The following HIF3A variants were observed in gnomAD, a reference collection of about 807,000 sequenced individuals.
The protein encoded by HIF3A is hypoxia inducible factor 3 subunit alpha.
A neutral mutation model predicts 67.2 loss-of-function variants in HIF3A; 41 were observed. The observed-to-expected ratio is 0.61, with a 90% CI of 0.48 to 0.79. The LOEUF (loss-of-function observed/expected upper bound fraction) is 0.79. HIF3A is among the 30% of genes least tolerant of loss of function. The pLI, the probability that HIF3A is intolerant of heterozygous loss-of-function variation, is 0.00. For synonymous variants in HIF3A, 356 were observed against 374.8 expected, an observed-to-expected ratio of 0.95 and a Z score of 0.58; for missense variants, 855 against 898.0, an observed-to-expected ratio of 0.95 and a Z score of 0.61.
chr19:46,329,495 G>T lies in HIF3A; in HGVS notation c.1712+17G>T, dbSNP rs371128866. 1 of 1,494,772 alleles carries T rather than the reference G, an allele frequency of 6.7e-7. No individual in the cohort carries two copies. Among genetic ancestry groups the T allele is most frequent in the Non-Finnish European group, 8.9e-7 (1 of 1,122,264 alleles). The allele number at this position is 1,494,772 out of a possible 1,614,324, so 92.6% of individuals were successfully genotyped here. ...TCGGAAGAGGTGAGCCACAGTAAAG[G>T]GGGGACATCAAGGCAGCATCCCCTC... is the stretch of plus-strand genomic sequence containing the variant. On this transcript the variant is annotated intron_variant, in intron 12 of 14. Transcript: ENST00000377670.
chr19:46,319,966 A>G (rs1970229877), intron 8 of HIF3A, among the ~76,000 whole-genome samples: 1 of 152,184 alleles, frequency 6.6e-6, no homozygotes, highest in Non-Finnish European at 1.5e-5. Flanking sequence ...ACAGTGGCTC[A>G]CGCCTGTAAT....
intron 2 of HIF3A, among the ~76,000 whole-genome samples, chr19:46,304,342 G>A (rs1057080249): frequency 1.1e-4 from 16 of 151,360 alleles, no homozygotes; most frequent in Non-Finnish European, 1.8e-4. Context: ...CCCCTGGAAC[G>A]CGCCCTTTGG....
At chr19:46,298,619 A>T (rs1043584642) in intron 1 of HIF3A, 21 of 890,256 alleles carry the variant, frequency 2.4e-5, no homozygotes, top group Non-Finnish European at 6.0e-6. Context: ...CCTGGTGGGT[A>T]CGGCTTGCAG....
At chr19:46,300,039 T>G (rs1305730501) in intron 1 of HIF3A, among the ~76,000 whole-genome samples, 1 of 152,208 alleles carries the variant, frequency 6.6e-6, no homozygotes, top group Non-Finnish European at 1.5e-5. Flanking sequence ...TGGAGGGCGC[T>G]GGGTTACTTG....
intron 8 of HIF3A, among the ~76,000 whole-genome samples, chr19:46,313,921 CAA>C (rs1415956706): frequency 1.3e-5 from 2 of 152,160 alleles, no homozygotes; most frequent in Non-Finnish European, 2.9e-5. Context: ...CTCAGCCTCC[CAA>C]AGTGTTGGGA....
At chr19:46,318,765 C>T (rs889008263) in intron 8 of HIF3A, among the ~76,000 whole-genome samples, 4 of 151,678 alleles carry the variant, frequency 2.6e-5, no homozygotes, top group South Asian at 4.2e-4. Context: ...GGACTACAGG[C>T]GCATGCCACC....
At chr19:46,319,306 G>T (rs1970178758) in intron 8 of HIF3A, among the ~76,000 whole-genome samples, 1 of 152,134 alleles carries the variant, frequency 6.6e-6, no homozygotes, top group Non-Finnish European at 1.5e-5. Flanking sequence ...GGTTTATTGA[G>T]TGTGGGGAGA....
intron 13 of HIF3A, among the ~76,000 whole-genome samples, chr19:46,332,755 G>A (rs557470726): frequency 1.4e-4 from 22 of 152,190 alleles, no homozygotes; most frequent in Admixed American, 1.2e-3. Context: ...AGGATGAGGC[G>A]GGATAATCAC....
intron 2 of HIF3A, chr19:46,304,317 A>G (rs566852402): frequency 5.3e-6 from 3 of 568,290 alleles, no homozygotes; most frequent in South Asian, 2.0e-5. Flanking sequence ...GAAGTCTATC[A>G]CTTGTGAGGC....
chr19:46,328,083 G>A (rs1970922812), intron 11 of HIF3A, among the ~76,000 whole-genome samples: 1 of 152,202 alleles, frequency 6.6e-6, no homozygotes, highest in Non-Finnish European at 1.5e-5. Context: ...TACCTTCCCT[G>A]GATCCGGCTG....
rs550576562 is a variant in HIF3A, at chr19:46,338,926, C to A, written c.1913-599C>A. Among the ~76,000 whole-genome samples, 7 of 152,100 alleles carry A rather than the reference C, an allele frequency of 4.6e-5. No individual in the cohort carries two copies. In the South Asian group the frequency reaches 1.0e-3, roughly 23 times the overall value. On this transcript the variant is annotated intron_variant, in intron 14 of 14. Coordinates refer to ENST00000377670, the MANE Select transcript of HIF3A (RefSeq NM_152795.4). ...GCCTCACCACCCAGGCTTTTAACTG[C>A]CAGGAAGGGGAGACGGGTTGGTGTG...
chr19:46,324,929 C>T (rs1426644539), intron 10 of HIF3A, among the ~76,000 whole-genome samples: 1 of 140,446 alleles, frequency 7.1e-6, no homozygotes, highest in Non-Finnish European at 1.5e-5. Flanking sequence ...TATATATATA[C>T]ACATATATAT....
At chr19:46,339,033 T>C (rs1362049402) in intron 14 of HIF3A, among the ~76,000 whole-genome samples, 1 of 152,120 alleles carries the variant, frequency 6.6e-6, no homozygotes, top group African/African-American at 2.4e-5. Context: ...TTTTCCCTTC[T>C]TCTCCTCTTT....
chr19:46,305,613 G>A (rs1968774055), intron 3 of HIF3A, among the ~76,000 whole-genome samples: 1 of 152,172 alleles, frequency 6.6e-6, no homozygotes, highest in Admixed American at 6.5e-5. Context: ...GCCTGAGTGG[G>A]AATGGAGGGC....
intron 11 of HIF3A, among the ~76,000 whole-genome samples, chr19:46,326,659 C>T (rs1177399261): frequency 6.6e-6 from 1 of 152,120 alleles, no homozygotes; most frequent in Non-Finnish European, 1.5e-5. Flanking sequence ...TCCTTGAGTA[C>T]AGTTCCTCTC....
chr19:46,298,248 C>G, intron 1 of HIF3A: 2 of 400,338 alleles, frequency 5.0e-6, no homozygotes, highest in South Asian at 1.9e-5. Context: ...ATTCCAGGCC[C>G]TGGCTCTGGG....
Position 46,335,247 on chromosome 19 carries a change from C to CATTTATTTATTTATTT in HIF3A, c.1912+282_1912+297dup, listed in dbSNP as rs374748726. ...TCTGGAGCCTGCACGCCTATGATCA[C>CATTTATTTATTTATTT]ATTTATTTATTTATTTATTTATTTA... On this transcript the variant is annotated intron_variant, in intron 14 of 14. Coordinates refer to ENST00000377670, the MANE Select transcript of HIF3A (RefSeq NM_152795.4). Among the ~76,000 whole-genome samples, 1,231 of 146,280 alleles carry CATTTATTTATTTATTT rather than the reference C, an allele frequency of 8.4e-3. 20 individuals carry two copies. The highest frequency in any genetic ancestry group is 0.03 in the African/African-American group (1,161 of 38,394).
intron 7 of HIF3A, 65 bp downstream of exon 7, chr19:46,312,332 C>A (rs770540295): frequency 6.2e-7 from 1 of 1,612,706 alleles, no homozygotes; most frequent in East Asian, 2.2e-5. Context: ...ACACCAGGAC[C>A]CCCCAGCTCC....
rs181709869 is a variant in HIF3A, at chr19:46,327,299, A to G, written c.1440+1660A>G. 1.5e-3 allele frequency among the ~76,000 whole-genome samples: 219 copies of G among 149,680 alleles called. 2 individuals are homozygous for G. The highest frequency in any genetic ancestry group is 5.3e-3 in the African/African-American group (215 of 40,880). On this transcript the variant is annotated intron_variant, in intron 11 of 14. Coordinates refer to ENST00000377670, the MANE Select transcript of HIF3A (RefSeq NM_152795.4). ...CAAGGGTGCTCTTCATTGCTCTGAG[A>G]CCACTTTTTTTTTCTTTTTTCTTTT...
Sources: allele counts gnomAD v4.1 joint callset (sites outside exome capture counted in the v4.1 genomes callset), GRCh38; gene constraint gnomAD v4.1.1; transcripts MANE v1.5; gene names NCBI Gene and HGNC (gene_info 2026-07-23, HGNC 2026-07-21).